IPO11: variants seen among roughly 807,000 people sequenced by gnomAD.
IPO11 encodes importin 11.
In IPO11, 66 loss-of-function variants were observed where a neutral mutation model predicts 143.2. The ratio of observed to expected loss-of-function variants is 0.46; its 90% confidence interval spans 0.38 to 0.57. The LOEUF (loss-of-function observed/expected upper bound fraction) is 0.57, where lower values mean the gene tolerates loss of function less well. Ranked by LOEUF, IPO11 falls within the 20% of genes least tolerant of loss-of-function variation. IPO11 has a pLI of 0.00. For synonymous variants in IPO11, 385 were observed against 377.8 expected, an observed-to-expected ratio of 1.02 and a Z score of -0.22; for missense variants, 1,026 against 1,141.0, an observed-to-expected ratio of 0.90 and a Z score of 1.45.
chr5:62,442,908 A>T (rs1744545412), intron 2 of IPO11, 75 bp from the exon 3 acceptor site: 4 of 786,670 alleles, frequency 5.1e-6, no homozygotes, highest in Non-Finnish European at 8.0e-6. Context: ...ATCTGTCCAT[A>T]CTTTATTGTG....
Position 62,568,044 on chromosome 5 carries a change from C to T in IPO11, c.2582+6787C>T, listed in dbSNP as rs551107509. Among the ~76,000 whole-genome samples, 8 of 152,090 alleles carry T rather than the reference C, an allele frequency of 5.3e-5. No homozygotes were observed. In the South Asian group the frequency reaches 8.3e-4, roughly 16 times the overall value. On this transcript the variant is annotated intron_variant, in intron 27 of 29. Transcript: ENST00000325324. ...GCAGTGGCACAATCATGGCTCACTG[C>T]AGCCTCAACCTCCTGGGGTCAAGCA... is the stretch of plus-strand genomic sequence containing the variant.
chr5:62,605,721 A>G (rs552429644), intron 29 of IPO11, among the ~76,000 whole-genome samples: 47 of 149,878 alleles, frequency 3.1e-4, no homozygotes, highest in Admixed American at 2.7e-4. Flanking sequence ...AAGTATTATT[A>G]TTATTATTAT....
intron 27 of IPO11, among the ~76,000 whole-genome samples, chr5:62,582,017 G>A (rs1744585828): frequency 6.6e-6 from 1 of 152,176 alleles, no homozygotes; most frequent in Admixed American, 6.6e-5. Flanking sequence ...ATTCAGTACA[G>A]CTGGTGTCGT....
chr5:62,417,296 A>C (rs1436734502), intron 1 of IPO11, among the ~76,000 whole-genome samples: 1 of 66,450 alleles, frequency 1.5e-5, no homozygotes, highest in South Asian at 4.2e-4. Context: ...CTCTATATTC[A>C]TTTTCTTCAC....
In IPO11 at chr5:62,598,565, T is replaced by TTTTTTTTTTGAG. The variant is rs770605911; in HGVS notation, c.2679-3199_2679-3198insTTTTTTTTTGAG. Among the ~76,000 whole-genome samples, 8 of 40,948 alleles carry TTTTTTTTTTGAG rather than the reference T, an allele frequency of 2.0e-4. 2 individuals are homozygous for TTTTTTTTTTGAG. Among genetic ancestry groups the TTTTTTTTTTGAG allele is most frequent in the Non-Finnish European group, 2.2e-4 (5 of 22,502 alleles). 26.9% of individuals were successfully genotyped at this position (40,948 alleles called of 152,430 possible). A position where few individuals can be genotyped will look rare whatever the true frequency, so the allele number is the denominator to read the frequency against. On this transcript the variant is annotated intron_variant, in intron 28 of 29. Transcript: ENST00000325324. ...CTTTCTTTTCTTTCTTTTTTTTTTTTATGGAGTCTTGCCCTGTTGCCCAGC... is the reference window on the plus strand; with the variant it reads ...CTTTCTTTTCTTTCTTTTTTTTTTTTTTTTTTTTTGAGATGGAGTCTTGCCCTGTTGCCCAGC...
chr5:62,511,408 C>T (rs1741743793), intron 19 of IPO11, among the ~76,000 whole-genome samples: 1 of 152,144 alleles, frequency 6.6e-6, no homozygotes, highest in African/African-American at 2.4e-5. Flanking sequence ...ATATTGAGTA[C>T]ATGTTCCAGA....
intron 19 of IPO11, among the ~76,000 whole-genome samples, chr5:62,513,796 G>A (rs1333327672): frequency 6.6e-6 from 1 of 151,162 alleles, no homozygotes; most frequent in Non-Finnish European, 1.5e-5. Context: ...CTTCCCAGAC[G>A]GGGTGGCAGC....
At position 62,484,102 on chromosome 5, in the gene IPO11, C is replaced by T. The variant is rs1179013175; in HGVS notation, c.1114C>T (p.His372Tyr). Residue 372 changes from histidine (H) to tyrosine (Y), a missense_variant, in exon 11 of 30, where the codon CAT becomes TAT. Transcript: ENST00000325324. ...LTEICRRLVSHYFLLTEEELT... is the reference protein window; with the variant it reads ...LTEICRRLVSYYFLLTEEELT... Reference sequence around the variant, plus strand: ...AGAGATATGTAGAAGATTAGTCTCTCATTATTTCCTATTAACTGAAGAAGA... The same window carrying T: ...AGAGATATGTAGAAGATTAGTCTCTTATTATTTCCTATTAACTGAAGAAGA... The T allele has an allele frequency of 1.2e-6, 2 of 1,610,910 alleles. No individual in the cohort carries two copies. The highest frequency in any genetic ancestry group is 1.7e-6 in the Non-Finnish European group (2 of 1,178,670).
intron 14 of IPO11, among the ~76,000 whole-genome samples, 188 bp downstream of exon 14, chr5:62,489,537 T>C (rs1047380075): frequency 5.3e-5 from 8 of 152,166 alleles, no homozygotes; most frequent in African/African-American, 1.9e-4. Context: ...TAGTTAATGC[T>C]AAAGTAGGTG....
At chr5:62,518,932 G>A (rs930002805) in intron 20 of IPO11, among the ~76,000 whole-genome samples, 2 of 152,190 alleles carry the variant, frequency 1.3e-5, no homozygotes, top group Non-Finnish European at 2.9e-5. Flanking sequence ...GGATCTTTGT[G>A]TAGGTGACTG....
chr5:62,445,437 A>G (rs950567306), intron 3 of IPO11, among the ~76,000 whole-genome samples: 2 of 152,108 alleles, frequency 1.3e-5, no homozygotes, highest in African/African-American at 4.8e-5. Context: ...CTTCAGGTTA[A>G]TGGCTTGTTT....
chr5:62,559,885 C>T (rs974276021), intron 26 of IPO11, among the ~76,000 whole-genome samples: 6 of 118,528 alleles, frequency 5.1e-5, no homozygotes, highest in African/African-American at 9.9e-5. Context: ...CATTGCACTT[C>T]AGCCTGGGCA....
intron 20 of IPO11, among the ~76,000 whole-genome samples, chr5:62,522,940 A>T (rs1304813282): frequency 6.6e-6 from 1 of 152,200 alleles, no homozygotes; most frequent in African/African-American, 2.4e-5. Flanking sequence ...ACTGTCCTCC[A>T]ATCCTCTGTC....
chr5:62,484,167 GA>G lies in IPO11; in HGVS notation c.1174+7del, dbSNP rs776785721. The G allele has an allele frequency of 6.3e-7, 1 of 1,582,368 alleles. No individual in the cohort carries two copies. Among genetic ancestry groups the G allele is most frequent in the South Asian group, 1.2e-5 (1 of 84,906 alleles). ...AAGAAGACCCAGAAGGCTTTAGTAAGAATTAATTTTTTAGTGTTAGAATGAC... is the reference window on the plus strand; with the variant it reads ...AAGAAGACCCAGAAGGCTTTAGTAAGATTAATTTTTTAGTGTTAGAATGAC... On this transcript the variant is annotated splice_donor_region_variant and intron_variant, in intron 11 of 29. Coordinates refer to ENST00000325324, the MANE Select transcript of IPO11 (RefSeq NM_016338.5).
chr5:62,544,110 A>T (rs1743063279), intron 24 of IPO11, among the ~76,000 whole-genome samples: 1 of 152,190 alleles, frequency 6.6e-6, no homozygotes, highest in Non-Finnish European at 1.5e-5. Context: ...TTATGAGGCC[A>T]ACATCATCCT....
In IPO11 at chr5:62,627,486, C is replaced by T. The variant is rs186945928; in HGVS notation, c.*168C>T. The T allele has an allele frequency of 3.6e-6, 2 of 561,960 alleles. No individual in the cohort carries two copies. The highest frequency in any genetic ancestry group is 4.5e-5 in the South Asian group (1 of 22,182). 34.8% of individuals were successfully genotyped at this position (561,960 alleles called of 1,614,324 possible). A position where few individuals can be genotyped will look rare whatever the true frequency, so the allele number is the denominator to read the frequency against. On this transcript the variant is annotated 3_prime_UTR_variant, in exon 30 of 30. Transcript: ENST00000325324. Reference sequence around the variant, plus strand: ...AAGGATAAATGTAAATCCTGCATAACTAAAATCACAAACCTATTCCTCAAA... The same window carrying T: ...AAGGATAAATGTAAATCCTGCATAATTAAAATCACAAACCTATTCCTCAAA...
chr5:62,451,106 A>G (rs911317344), intron 4 of IPO11, among the ~76,000 whole-genome samples: 2 of 152,174 alleles, frequency 1.3e-5, no homozygotes, highest in Non-Finnish European at 2.9e-5. Context: ...CATTTGGGAA[A>G]CACTGATATG....
At chr5:62,622,864 T>C (rs927533131) in intron 29 of IPO11, among the ~76,000 whole-genome samples, 1 of 152,248 alleles carries the variant, frequency 6.6e-6, no homozygotes, top group Non-Finnish European at 1.5e-5. Context: ...TTTCTAGACA[T>C]AGCAATGTAA....
At chr5:62,454,300 T>C (rs1745047402) in intron 5 of IPO11, among the ~76,000 whole-genome samples, 2 of 152,226 alleles carry the variant, frequency 1.3e-5, no homozygotes, top group African/African-American at 4.8e-5. Context: ...CTCAAGTCTT[T>C]CTGTGAAATT....
Sources: allele counts gnomAD v4.1 joint callset (sites outside exome capture counted in the v4.1 genomes callset), GRCh38; gene constraint gnomAD v4.1.1; transcripts MANE v1.5; gene names NCBI Gene and HGNC (gene_info 2026-07-23, HGNC 2026-07-21).